SNUPN: variants seen among roughly 807,000 people sequenced by gnomAD.
The protein encoded by SNUPN is snurportin-1.
SNUPN carries 31 observed loss-of-function variants against 39.2 expected under a neutral mutation model. That is an observed-to-expected ratio of 0.79 (90% CI 0.59 to 1.07). The LOEUF is 1.07. SNUPN is among the 50% of genes least tolerant of loss of function. The pLI is 0.00. For missense variants in SNUPN, 382 were observed against 434.2 expected (o/e 0.88, Z 1.07); for synonymous variants, 132 against 159.0 (o/e 0.83, Z 1.28).
rs753285749 is a variant in SNUPN at position 75,598,562 on chromosome 15, G to A, written c.879C>T (p.Gly293=). 23 of 1,614,056 alleles carry A rather than the reference G, an allele frequency of 1.4e-5. No homozygotes were observed. The highest frequency in any genetic ancestry group is 1.9e-5 in the Non-Finnish European group (22 of 1,180,038). The change falls in exon 9 of 9, where the codon GGC becomes GGT. Residue 293 remains glycine, a synonymous_variant. Transcript: ENST00000308588. The part of the protein sequence containing the change: ...SDVLGVAVPA[G]PLTTKPDYAG... ...CATAGTCTGGCTTGGTGGTCAGCGG[G>A]CCAGCCGGCACAGCTACACCAAGGA... is the stretch of plus-strand genomic sequence containing the variant.
intron 3 of SNUPN, among the ~76,000 whole-genome samples, chr15:75,615,640 C>A (rs1426669724): frequency 1.7e-5 from 2 of 119,870 alleles, no homozygotes; most frequent in East Asian, 5.4e-4. Context: ...CTCGCTCTGT[C>A]GCCCAGGCTG....
chr15:75,621,453 G>A (rs1347402953), intron 1 of SNUPN, among the ~76,000 whole-genome samples: 1 of 151,878 alleles, frequency 6.6e-6, no homozygotes, highest in South Asian at 2.1e-4. Context: ...GTACAGACGG[G>A]ATCTCCCTAT....
intron 1 of SNUPN, chr15:75,625,004 G>A: frequency 5.5e-6 from 1 of 181,638 alleles, no homozygotes; most frequent in Non-Finnish European, 1.2e-5. Context: ...TCAAACTCCT[G>A]ACCTCAGGTG....
chr15:75,599,521 TCC>T (rs1285660389), intron 8 of SNUPN, among the ~76,000 whole-genome samples: 2 of 152,212 alleles, frequency 1.3e-5, no homozygotes, highest in African/African-American at 4.8e-5. Flanking sequence ...ATGCCCTGCT[TCC>T]CTGGCTACTG....
intron 3 of SNUPN, among the ~76,000 whole-genome samples, chr15:75,613,906 A>G (rs1310737826): frequency 6.6e-6 from 1 of 152,198 alleles, no homozygotes; most frequent in African/African-American, 2.4e-5. Context: ...GTTATCATAT[A>G]TAGACCCAGC....
At position 75,617,462 on chromosome 15, in the gene SNUPN, A is replaced by G. The variant is rs11547316; in HGVS notation, c.249T>C (p.Asp83=). The change falls in exon 3 of 9, where the codon GAT becomes GAC. Residue 83 remains aspartate (D), a synonymous_variant. Coordinates refer to ENST00000308588, the MANE Select transcript of SNUPN (RefSeq NM_005701.4). ...TGACAGTGTCAATGTCCATTTCTTC[A>G]TCATCTTTCTTATTTTCTTCCTCAC... ...MESEEENKKD[D]EEMDIDTVKK... 155,833 of 1,613,498 alleles carry G rather than the reference A, an allele frequency of 0.097. 8,729 individuals carry two copies. The highest frequency in any genetic ancestry group is 0.2 in the Middle Eastern group (1,191 of 6,054).
In SNUPN at chr15:75,598,450, T is replaced by G. The variant is rs557309045; in HGVS notation, c.991A>C (p.Asn331His). 1.2e-5 allele frequency: 19 copies of G among 1,614,188 alleles called. No homozygotes were observed. The African/African-American group carries it at 2.5e-4, about 22-fold the overall frequency. ...AGGTGCTCCAATTCATAGTGCCCAT[T>G]CTCAGAGGCCTTGTGTGTGAGTTTC... The part of the protein sequence containing the change: ...KEKLTHKASE[N>H]GHYELEHLST... Residue 331 changes from asparagine (N) to histidine (H), a missense_variant, in exon 9 of 9, where the codon AAT (asparagine) becomes CAT (histidine). Physicochemically the swap from Asn to His is moderately conservative, Grantham distance 68. Coordinates refer to ENST00000308588, the MANE Select transcript of SNUPN (RefSeq NM_005701.4).
chr15:75,625,257 C>G (rs1347486304), intron 1 of SNUPN: 2 of 147,860 alleles, frequency 1.4e-5, no homozygotes, highest in African/African-American at 2.5e-5. Flanking sequence ...CCCCTTCCCC[C>G]TCCTTCGCGT....
intron 7 of SNUPN, among the ~76,000 whole-genome samples, chr15:75,604,246 C>T (rs147950988): frequency 7.3e-4 from 110 of 151,300 alleles, no homozygotes; most frequent in Non-Finnish European, 4.0e-4. Flanking sequence ...CTGCAACCTC[C>T]GCCTCCCAGG....
intron 1 of SNUPN, chr15:75,624,737 C>T (rs1182710912): frequency 1.1e-5 from 14 of 1,275,626 alleles, no homozygotes; most frequent in Non-Finnish European, 1.3e-5. Flanking sequence ...CTGTTCTTGG[C>T]GGGTTCCTGC....
At chr15:75,612,028 C>CTT (rs1892794708) in intron 3 of SNUPN, among the ~76,000 whole-genome samples, 2 of 66,436 alleles carry the variant, frequency 3.0e-5, no homozygotes, top group Non-Finnish European at 5.4e-5. Flanking sequence ...ATAACTCTTC[C>CTT]TTTTTTTCCT....
intron 1 of SNUPN, chr15:75,624,780 T>G (rs78973175): frequency 3.4e-6 from 4 of 1,169,470 alleles, no homozygotes; most frequent in Non-Finnish European, 4.4e-6. Context: ...GTTGTTGTTG[T>G]TTTTTTTTTG....
rs370119718 is a variant in SNUPN, at chr15:75,609,871, G to C, written c.408+19C>G. On this transcript the variant is annotated intron_variant, in intron 4 of 8. Coordinates refer to ENST00000308588, the MANE Select transcript of SNUPN (RefSeq NM_005701.4). ...CTACAGACCAGGCCTACTGGCATAGGGGGCAGGCAGCTACTCACCCTGGAG... is the reference window on the plus strand; with the variant it reads ...CTACAGACCAGGCCTACTGGCATAGCGGGCAGGCAGCTACTCACCCTGGAG... 2 of 1,576,016 alleles carry C rather than the reference G, an allele frequency of 1.3e-6. No homozygotes were observed. Among genetic ancestry groups the C allele is most frequent in the South Asian group, 2.2e-5 (2 of 90,210 alleles).
rs1030407752 is a variant in SNUPN at position 75,622,754 on chromosome 15, T to C, written c.-5-1698A>G. ...AAAATACAACTCCATAGGCCTCTAC[T>C]TGGCCAGTGAGTTACTTTCCATTGC... On this transcript the variant is annotated intron_variant, in intron 1 of 8. Coordinates refer to ENST00000308588, the MANE Select transcript of SNUPN (RefSeq NM_005701.4). Among the ~76,000 whole-genome samples, 7 of 152,228 alleles carry C rather than the reference T, an allele frequency of 4.6e-5. No individual in the cohort carries two copies. In the South Asian group the frequency reaches 1.4e-3, roughly 31 times the overall value.
At chr15:75,624,543 G>A (rs147009669) in intron 1 of SNUPN, among the ~76,000 whole-genome samples, 1 of 150,284 alleles carries the variant, frequency 6.7e-6, no homozygotes, top group Non-Finnish European at 1.5e-5. Flanking sequence ...CATGGTGACG[G>A]GCGCCTGTAG....
chr15:75,598,738 G>A (rs1336408916), intron 8 of SNUPN, 57 bp from the exon 9 acceptor site: 9 of 1,409,920 alleles, frequency 6.4e-6, no homozygotes, highest in African/African-American at 2.8e-5. Flanking sequence ...ATGTTTCCAG[G>A]AGAGCCTATA....
At chr15:75,624,495 CT>C (rs1388764467) in intron 1 of SNUPN, among the ~76,000 whole-genome samples, 34 of 75,802 alleles carry the variant, frequency 4.5e-4, no homozygotes, top group Non-Finnish European at 5.6e-4. Context: ...CCCGTCTCTA[CT>C]AAAAAAAAAA....
In SNUPN at chr15:75,601,329, C is replaced by T. The variant is rs192064122; in HGVS notation, c.679-111G>A. On this transcript the variant is annotated intron_variant, in intron 7 of 8. Coordinates refer to ENST00000308588, the MANE Select transcript of SNUPN (RefSeq NM_005701.4). ...GTGGCTCACACCTGTAATCCCAGCA[C>T]TTTGGGAGGCAAAGTCAGGAGGATC... 2.2e-4 allele frequency: 157 copies of T among 715,212 alleles called. 1 individual carries two copies. Among genetic ancestry groups the T allele is most frequent in the African/African-American group, 1.8e-3 (103 of 56,316 alleles). 44.3% of individuals were successfully genotyped at this position (715,212 alleles called of 1,614,324 possible). A position where few individuals can be genotyped will look rare whatever the true frequency, so the allele number is the denominator to read the frequency against.
chr15:75,600,161 AG>A (rs1219044958), intron 8 of SNUPN, among the ~76,000 whole-genome samples: 1 of 151,586 alleles, frequency 6.6e-6, no homozygotes, highest in African/African-American at 2.4e-5. Flanking sequence ...AGAATTTTTA[AG>A]GGAATGATGG....
Sources: allele counts gnomAD v4.1 joint callset (sites outside exome capture counted in the v4.1 genomes callset), GRCh38; gene constraint gnomAD v4.1.1; transcripts MANE v1.5; gene names NCBI Gene and HGNC (gene_info 2026-07-23, HGNC 2026-07-21).